SHANK2: variants seen among roughly 807,000 people sequenced by gnomAD.
The protein encoded by SHANK2 is SH3 and multiple ankyrin repeat domains protein 2.
Under a neutral mutation model 133.7 loss-of-function variants are expected in SHANK2, and 43 were observed. The ratio of observed to expected loss-of-function variants is 0.32; its 90% CI spans 0.25 to 0.41. The LOEUF (loss-of-function observed/expected upper bound fraction) is 0.41. Among genes scored for constraint, SHANK2 ranks in the 10% least tolerant of loss-of-function variants. The pLI is 1.00. For synonymous variants in SHANK2, 1,017 were observed against 952.8 expected (o/e 1.07, Z -1.24); for missense variants, 1,994 against 2,235.8 (o/e 0.89, Z 2.18).
intron 10 of SHANK2, among the ~76,000 whole-genome samples, chr11:70,947,226 C>T (rs1380809462): frequency 6.6e-6 from 1 of 151,266 alleles, no homozygotes; most frequent in Admixed American, 6.6e-5. Flanking sequence ...CCCTGCAGTA[C>T]CCAAATGTAA....
At chr11:70,608,288 TTCC>T (rs2060607307) in intron 17 of SHANK2, among the ~76,000 whole-genome samples, 1 of 152,162 alleles carries the variant, frequency 6.6e-6, no homozygotes. Flanking sequence ...GGATATTTCT[TTCC>T]TCTTTGTGAA....
intron 17 of SHANK2, among the ~76,000 whole-genome samples, chr11:70,549,713 G>A (rs1591566870): frequency 6.6e-6 from 1 of 152,348 alleles, no homozygotes. Context: ...GGACCTCGAA[G>A]GAATCTTCAG....
chr11:70,521,681 T>A lies in SHANK2; in HGVS notation c.2062-18750A>T, dbSNP rs557219420. 3.9e-5 allele frequency among the ~76,000 whole-genome samples: 6 copies of A among 152,346 alleles called. No individual in the cohort carries two copies. The South Asian group carries it at 1.2e-3, about 32-fold the overall frequency. On this transcript the variant is annotated intron_variant, in intron 17 of 25. Coordinates refer to ENST00000601538, the MANE Select transcript of SHANK2 (RefSeq NM_012309.5). ...ACGTGAGCATGTGTGTGGGTGAGTG[T>A]GAGCATGTGTGTGGGTGAGTGTGCA...
chr11:70,576,884 T>G (rs1450784404), intron 17 of SHANK2, among the ~76,000 whole-genome samples: 2 of 152,206 alleles, frequency 1.3e-5, no homozygotes, highest in African/African-American at 4.8e-5. Flanking sequence ...AGGGGGGCCA[T>G]GAGTCAGCAA....
At chr11:70,800,177 G>A (rs1306954413) in intron 13 of SHANK2, among the ~76,000 whole-genome samples, 2 of 152,042 alleles carry the variant, frequency 1.3e-5, no homozygotes, top group Non-Finnish European at 2.9e-5. Flanking sequence ...CGTGTACCAC[G>A]ACACCTCATT....
chr11:71,091,945 G>A (rs1276789229), intron 8 of SHANK2, among the ~76,000 whole-genome samples: 1 of 152,192 alleles, frequency 6.6e-6, no homozygotes, highest in African/African-American at 2.4e-5. Context: ...AGACCAGGCT[G>A]ACCTACCTCC....
chr11:70,865,277 CT>C (rs1388302371), intron 11 of SHANK2, among the ~76,000 whole-genome samples: 24 of 152,240 alleles, frequency 1.6e-4, no homozygotes, highest in African/African-American at 5.1e-4. Context: ...GACTCAACTT[CT>C]AGGGTCTGGC....
intron 14 of SHANK2, among the ~76,000 whole-genome samples, chr11:70,776,432 G>C (rs1947366181): frequency 2.0e-5 from 3 of 152,160 alleles, no homozygotes; most frequent in Non-Finnish European, 4.4e-5. Flanking sequence ...ACACTCTCTA[G>C]GGGCCAAAGA....
intron 17 of SHANK2, among the ~76,000 whole-genome samples, chr11:70,518,677 G>A (rs2059295192): frequency 6.6e-6 from 1 of 152,172 alleles, no homozygotes; most frequent in African/African-American, 2.4e-5. Flanking sequence ...CTTTGCAGGC[G>A]GTGCCGGGCA....
At chr11:71,062,111 A>T (rs1950995467) in intron 9 of SHANK2, among the ~76,000 whole-genome samples, 1 of 150,362 alleles carries the variant, frequency 6.7e-6, no homozygotes, top group Non-Finnish European at 1.5e-5. Flanking sequence ...GCACGCCACC[A>T]TGCCGGGCTA....
At chr11:70,621,111 G>A (rs2060823728) in intron 17 of SHANK2, among the ~76,000 whole-genome samples, 1 of 152,184 alleles carries the variant, frequency 6.6e-6, no homozygotes, top group Non-Finnish European at 1.5e-5. Flanking sequence ...AAGGCACCGG[G>A]ATCGGGCAGG....
At chr11:71,097,315 G>A (rs1011174787) in intron 6 of SHANK2, among the ~76,000 whole-genome samples, 7 of 152,094 alleles carry the variant, frequency 4.6e-5, no homozygotes, top group Admixed American at 6.6e-5. Context: ...TGGTTGATGA[G>A]CTATAAACCG....
chr11:70,617,683 TCAAGGTGGAGTTTACCC>T (rs2060769848), intron 17 of SHANK2, among the ~76,000 whole-genome samples: 1 of 152,024 alleles, frequency 6.6e-6, no homozygotes, highest in Non-Finnish European at 1.5e-5. Flanking sequence ...GCTTTCATGA[TCAAGGTGGAGTTTACCC>T]CACGTGCATA....
chr11:70,654,211 C>T (rs976936062), intron 17 of SHANK2: 4 of 152,138 alleles, frequency 2.6e-5, no homozygotes, highest in South Asian at 2.1e-4. Flanking sequence ...AAACCATAGG[C>T]GTCATCAGAG....
At chr11:70,673,310 A>T (rs1448514235) in intron 15 of SHANK2, among the ~76,000 whole-genome samples, 1 of 151,390 alleles carries the variant, frequency 6.6e-6, no homozygotes, top group African/African-American at 2.4e-5. Context: ...AAAAAAAATC[A>T]GGGGAACAGT....
chr11:71,067,157 A>G (rs1365982236), intron 9 of SHANK2, among the ~76,000 whole-genome samples: 4 of 152,160 alleles, frequency 2.6e-5, no homozygotes, highest in African/African-American at 7.2e-5. Flanking sequence ...ACAACGCCCA[A>G]TGCTCAGGGG....
chr11:71,207,934 G>A (rs1954161633), intron 2 of SHANK2, among the ~76,000 whole-genome samples: 1 of 152,014 alleles, frequency 6.6e-6, no homozygotes, highest in Non-Finnish European at 1.5e-5. Context: ...TTCCCAGGCA[G>A]GCTTACCTAA....
chr11:70,885,185 G>A (rs1472101237), intron 11 of SHANK2, among the ~76,000 whole-genome samples: 3 of 152,224 alleles, frequency 2.0e-5, no homozygotes, highest in South Asian at 4.1e-4. Flanking sequence ...CCCTGGGAGC[G>A]CTGTATAGAG....
At chr11:70,949,849 C>A (rs1388024733) in intron 10 of SHANK2, among the ~76,000 whole-genome samples, 1 of 152,242 alleles carries the variant, frequency 6.6e-6, no homozygotes, top group Non-Finnish European at 1.5e-5. Context: ...GACCCCTCCA[C>A]CTGCGCGTCT....
Sources: gnomAD v4.1 joint callset for allele counts (sites outside exome capture counted in the v4.1 genomes callset) on GRCh38, gnomAD v4.1.1 for gene constraint, MANE v1.5 for transcripts, NCBI Gene and HGNC (gene_info 2026-07-23, HGNC 2026-07-21) for gene names.